Variants in SMG1 observed in about 807,000 individuals in gnomAD.
The protein encoded by SMG1 is SMG1 nonsense mediated mRNA decay associated PI3K related kinase.
SMG1 carries 22 observed loss-of-function variants against 419.9 expected under a neutral mutation model. The observed-to-expected ratio is 0.05, with a 90% confidence interval of 0.04 to 0.07. SMG1 has a LOEUF of 0.07. SMG1 is among the 10% of genes least tolerant of loss of function. The pLI, the probability that SMG1 is intolerant of heterozygous loss-of-function variation, is 1.00. For missense variants in SMG1, 3,185 were observed against 4,342.0 expected (o/e 0.73, Z 7.49); for synonymous variants, 1,538 against 1,553.5 (o/e 0.99, Z 0.23).
At chr16:18,817,760 G>A (rs2032143320) in intron 56 of SMG1, among the ~76,000 whole-genome samples, 4 of 152,120 alleles carry the variant, frequency 2.6e-5, no homozygotes, top group Admixed American at 2.6e-4. Flanking sequence ...CAATAAAGCT[G>A]TTATATTCAG....
rs556419486 is a variant in SMG1 at position 18,841,184 on chromosome 16, G to A, written c.6696+381C>T. Among the ~76,000 whole-genome samples the A allele has an allele frequency of 7.2e-5, 11 of 152,274 alleles. No individual in the cohort carries two copies. In the South Asian group the frequency reaches 1.0e-3, roughly 14 times the overall value. On this transcript the variant is annotated intron_variant, in intron 41 of 62. Coordinates refer to ENST00000446231, the MANE Select transcript of SMG1 (RefSeq NM_015092.5). ...GGAGGCTGAGGCGGGTGGATCACCT[G>A]AGGCCAGGAGTTCGAGACCAACCTG...
chr16:18,919,113 G>A (rs1256180772), intron 1 of SMG1, among the ~76,000 whole-genome samples: 1 of 151,884 alleles, frequency 6.6e-6, no homozygotes, highest in Non-Finnish European at 1.5e-5. Flanking sequence ...TATCACTTGA[G>A]GTCAGAAGTT....
At chr16:18,856,220 TG>T (rs1206676500) in intron 29 of SMG1, 1 of 152,286 alleles carries the variant, frequency 6.6e-6, no homozygotes, top group Non-Finnish European at 1.5e-5. Context: ...TGGAGTGCAG[TG>T]GCATGATCAT....
intron 49 of SMG1, 48 bp downstream of exon 49, chr16:18,834,844 T>C (rs1270487202): frequency 1.3e-6 from 2 of 1,572,442 alleles, no homozygotes; most frequent in Non-Finnish European, 1.7e-6. Flanking sequence ...GGTTTGGGAT[T>C]AAAAATAAGA....
chr16:18,883,409 G>A (rs916590946), intron 9 of SMG1, among the ~76,000 whole-genome samples: 9 of 152,148 alleles, frequency 5.9e-5, no homozygotes, highest in African/African-American at 1.2e-4. Flanking sequence ...AATCTTTAGG[G>A]GCTTTTGGTG....
chr16:18,838,331 A>T, intron 44 of SMG1, 26 bp downstream of exon 44: 1 of 1,604,484 alleles, frequency 6.2e-7, no homozygotes, highest in Non-Finnish European at 8.5e-7. Context: ...CAAATACACT[A>T]AAAGGGAGAA....
chr16:18,818,358 C>T (rs34698930), intron 56 of SMG1, among the ~76,000 whole-genome samples: 14,398 of 151,948 alleles, frequency 0.095, 736 homozygotes, highest in Middle Eastern at 0.17. Context: ...GCACTACAGC[C>T]TGGGCAACAA....
Position 18,809,043 on chromosome 16 carries a change from C to CT in SMG1, c.*525dup, listed in dbSNP as rs2031121328. On this transcript the variant is annotated 3_prime_UTR_variant, in exon 63 of 63. Transcript: ENST00000446231. ...AAATTCATATCGCATAGCCTTTAGC[C>CT]TTTTTCTACTTACTGGTCAACCCAA... is the stretch of plus-strand genomic sequence containing the variant. The CT allele has an allele frequency of 6.5e-6, 1 of 154,212 alleles. No homozygotes were observed. The highest frequency in any genetic ancestry group is 2.0e-4 in the South Asian group (1 of 5,010). The allele number at this position is 154,212 out of a possible 1,614,324, so 9.6% of individuals were successfully genotyped here. A position where few individuals can be genotyped will look rare whatever the true frequency, so the allele number is the denominator to read the frequency against.
chr16:18,844,354 G>A (rs922910717), intron 39 of SMG1, among the ~76,000 whole-genome samples: 7 of 151,498 alleles, frequency 4.6e-5, no homozygotes, highest in South Asian at 2.1e-4. Flanking sequence ...ACTTAAACCC[G>A]GGAGGCAGAG....
chr16:18,854,295 C>T (rs533793349), intron 30 of SMG1, among the ~76,000 whole-genome samples: 1 of 151,630 alleles, frequency 6.6e-6, no homozygotes, highest in South Asian at 2.1e-4. Context: ...ACTCTGTTGC[C>T]CAGGCTGGTG....
In SMG1 at chr16:18,863,640, T is replaced by A. The variant is rs564677821; in HGVS notation, c.3695+10A>T. 38 of 1,593,408 alleles carry A rather than the reference T, an allele frequency of 2.4e-5. No homozygotes were observed. In the African/African-American group the frequency reaches 3.7e-4, roughly 16 times the overall value. ...AAATTTGTTTTATAACTGGAAAAAG[T>A]AAGCCTTACTTTATATAGTTGAAGT... On this transcript the variant is annotated intron_variant, in intron 25 of 62. Coordinates refer to ENST00000446231, the MANE Select transcript of SMG1 (RefSeq NM_015092.5).
intron 38 of SMG1, among the ~76,000 whole-genome samples, chr16:18,846,367 T>C (rs972525592): frequency 8.5e-5 from 13 of 152,124 alleles, no homozygotes; most frequent in Admixed American, 3.3e-4. Flanking sequence ...ACAAATTAAA[T>C]TGAGCTACAT....
chr16:18,919,621 C>T (rs1174424562), intron 1 of SMG1, among the ~76,000 whole-genome samples: 1 of 124,570 alleles, frequency 8.0e-6, no homozygotes, highest in East Asian at 2.3e-4. Context: ...AACACTCCGT[C>T]TCAAAAAAAA....
intron 55 of SMG1, among the ~76,000 whole-genome samples, chr16:18,827,058 A>G (rs1454078922): frequency 6.6e-6 from 1 of 151,756 alleles, no homozygotes; most frequent in African/African-American, 2.4e-5. Context: ...TGACTCGGAG[A>G]TATTTAGTAT....
rs1468867632 is a variant in SMG1 at position 18,879,522 on chromosome 16, G to A, written c.1491C>T (p.Ile497=). 2.4e-5 allele frequency: 24 copies of A among 1,002,832 alleles called. No homozygotes were observed. In the Admixed American group the frequency reaches 4.8e-4, roughly 20 times the overall value. 62.1% of individuals were successfully genotyped at this position (1,002,832 alleles called of 1,614,324 possible). ...GCGTGAGTAAATTCAAGACTGAGAT[G>A]ATATAATCGGTACCACAAGTCTGGC... The part of the protein sequence containing the change: ...ENCQTCGTDY[I]ISVLNLLTLI... Residue 497 remains isoleucine, a synonymous_variant, in exon 11 of 63, where the codon ATC becomes ATT. Transcript: ENST00000446231.
Position 18,926,328 on chromosome 16 carries a change from G to C in SMG1, c.-287C>G. On this transcript the variant is annotated 5_prime_UTR_variant, in exon 1 of 63. Coordinates refer to ENST00000446231, the MANE Select transcript of SMG1 (RefSeq NM_015092.5). ...GACGTCTTTTCCAGGGCCGTGCGCG[G>C]CCCACGTCGCCGGGGCCCCGGAGGA... 1 of 367,476 alleles carries C rather than the reference G, an allele frequency of 2.7e-6. No homozygotes were observed. The highest frequency in any genetic ancestry group is 4.9e-6 in the Non-Finnish European group (1 of 205,558). The allele number at this position is 367,476 out of a possible 1,614,324, so 22.8% of individuals were successfully genotyped here. A position where few individuals can be genotyped will look rare whatever the true frequency, so the allele number is the denominator to read the frequency against.
At chr16:18,903,020 C>T (rs1298722673) in intron 1 of SMG1, among the ~76,000 whole-genome samples, 4 of 152,164 alleles carry the variant, frequency 2.6e-5, no homozygotes, top group Non-Finnish European at 4.4e-5. Flanking sequence ...TACAACATTC[C>T]CAAAATGTTA....
rs1361626011 is a variant in SMG1, at chr16:18,849,238, T to C, written c.5602A>G (p.Ser1868Gly). Reference protein sequence around the residue: ...YPAIVGTISLSSESQASGNKF... With the variant: ...YPAIVGTISLGSESQASGNKF... Reference sequence around the variant, plus strand: ...ATACCTGAAGCCTGGGATTCACTACTAAGCGATATGGTACCCACTATTGCA... The same window carrying C: ...ATACCTGAAGCCTGGGATTCACTACCAAGCGATATGGTACCCACTATTGCA... The change falls in exon 36 of 63, where the codon AGT becomes GGT. Residue 1868 changes from serine (S) to glycine (G), a missense_variant. Around this residue, in one of 27 missense-constraint regions of SMG1, gnomAD observed 130 missense variants for 162.0 expected, o/e 0.80. Coordinates refer to ENST00000446231, the MANE Select transcript of SMG1 (RefSeq NM_015092.5). The C allele has an allele frequency of 6.2e-7, 1 of 1,611,758 alleles. No individual in the cohort carries two copies. The highest frequency in any genetic ancestry group is 8.5e-7 in the Non-Finnish European group (1 of 1,178,418).
At chr16:18,922,019 A>T (rs901151172) in intron 1 of SMG1, among the ~76,000 whole-genome samples, 34 of 152,242 alleles carry the variant, frequency 2.2e-4, no homozygotes, top group African/African-American at 6.3e-4. Context: ...AATGTCCTAA[A>T]ACCCCGAGTG....
Sources: allele counts gnomAD v4.1 joint callset (sites outside exome capture counted in the v4.1 genomes callset), GRCh38; gene constraint gnomAD v4.1.1; regional missense constraint gnomAD v4.1.1; transcripts MANE v1.5; gene names NCBI Gene and HGNC (gene_info 2026-07-23, HGNC 2026-07-21).